SLC25A48: variants seen among roughly 807,000 people sequenced by gnomAD.
SLC25A48 encodes solute carrier family 25 member 48, also known as CTC-321K16.1.
In SLC25A48, 29 loss-of-function variants were observed where a neutral mutation model predicts 32.2. That is an observed-to-expected ratio of 0.90 (90% confidence interval 0.67 to 1.23). The LOEUF (loss-of-function observed/expected upper bound fraction) is 1.23. Among genes scored for constraint, SLC25A48 ranks in the 50% most tolerant of loss-of-function variants. SLC25A48 has a pLI of 0.00. For synonymous variants in SLC25A48, 164 were observed against 172.3 expected (o/e 0.95, Z 0.38); for missense variants, 399 against 422.7 (o/e 0.94, Z 0.49).
chr5:135,776,124 A>T (rs1339342957), intron 3 of SLC25A48, among the ~76,000 whole-genome samples: 2 of 151,784 alleles, frequency 1.3e-5, no homozygotes, highest in African/African-American at 4.8e-5. Flanking sequence ...CCAGGAAAGG[A>T]GACCATGATA....
intron 1 of SLC25A48, among the ~76,000 whole-genome samples, chr5:135,627,690 C>A (rs1752468286): frequency 6.6e-6 from 1 of 152,188 alleles, no homozygotes; most frequent in South Asian, 2.1e-4. Flanking sequence ...GAGGAGTCAG[C>A]ATTTGCTGCA....
chr5:135,623,023 C>T (rs570815656), intron 1 of SLC25A48, among the ~76,000 whole-genome samples: 170 of 152,278 alleles, frequency 1.1e-3, no homozygotes, highest in African/African-American at 4.0e-3. Context: ...CCTTCTGAGT[C>T]AACCTGCACT....
chr5:135,882,527 G>A (rs1411032139), intron 7 of SLC25A48, among the ~76,000 whole-genome samples: 1 of 152,160 alleles, frequency 6.6e-6, no homozygotes, highest in Non-Finnish European at 1.5e-5. Flanking sequence ...GGGATGACTT[G>A]AGAATTGTTT....
At chr5:135,812,475 CA>C (rs1394786671) in intron 3 of SLC25A48, 3 of 152,162 alleles carry the variant, frequency 2.0e-5, no homozygotes, top group Non-Finnish European at 4.4e-5. Context: ...GAAATTAGGA[CA>C]GGGGCACACA....
chr5:135,834,898 G>T lies in SLC25A48; in HGVS notation c.46+5G>T. On this transcript the variant is annotated splice_donor_5th_base_variant and intron_variant, in intron 1 of 7. Transcript: ENST00000681962. ...TTGCGGCGGGCTGGATCGGAGGTGA[G>T]TGTGCTTACCGGGGACCCCCGGTCA... 1.2e-6 allele frequency: 2 copies of T among 1,601,840 alleles called. No individual in the cohort carries two copies. Among genetic ancestry groups the T allele is most frequent in the Middle Eastern group, 1.7e-4 (1 of 6,024 alleles).
intron 1 of SLC25A48, among the ~76,000 whole-genome samples, chr5:135,580,609 C>T (rs1751210287): frequency 6.6e-6 from 1 of 152,150 alleles, no homozygotes; most frequent in African/African-American, 2.4e-5. Context: ...AATAGCTGGA[C>T]ATTTGCATTT....
At position 135,738,048 on chromosome 5, in the gene SLC25A48, C is replaced by G. The variant is rs180780507; in HGVS notation, c.-520-74475C>G. Among the ~76,000 whole-genome samples the G allele has an allele frequency of 2.0e-3, 302 of 152,300 alleles. 1 individual carries two copies. Among genetic ancestry groups the G allele is most frequent in the African/African-American group, 7.0e-3 (292 of 41,564 alleles). Reference sequence around the variant, plus strand: ...GATCCACGGGGAAATGACACCATCACTATGACTGTGATAGAGACTTTCCTC... The same window carrying G: ...GATCCACGGGGAAATGACACCATCAGTATGACTGTGATAGAGACTTTCCTC... On this transcript the variant is annotated intron_variant, in intron 3 of 10. Transcript: ENST00000646290.
chr5:135,844,981 G>A (rs1759291383), intron 2 of SLC25A48, among the ~76,000 whole-genome samples: 1 of 152,136 alleles, frequency 6.6e-6, no homozygotes, highest in South Asian at 2.1e-4. Context: ...TGGGTGTGAG[G>A]GATTTAATGG....
rs187414596 is a variant in SLC25A48 at position 135,654,464 on chromosome 5, G to C, written c.-521+19508G>C. On this transcript the variant is annotated intron_variant, in intron 3 of 10. Transcript: ENST00000646290. ...TTAGGGGATTCAAACTTATGTAAGT[G>C]GGGGAGCTGGTGAAGAATTCCACAG... 5.0e-3 allele frequency among the ~76,000 whole-genome samples: 761 copies of C among 152,300 alleles called. 3 individuals carry two copies. Among genetic ancestry groups the C allele is most frequent in the Middle Eastern group, 0.014 (4 of 294 alleles).
At position 135,852,728 on chromosome 5, in the gene SLC25A48, A is replaced by C; in HGVS notation, c.328A>C (p.Ser110Arg). Residue 110 changes from serine (S) to arginine (R), a missense_variant, in exon 4 of 8, where the codon AGC becomes CGC. By Grantham distance (110) the Ser-to-Arg change is moderately radical. Coordinates refer to ENST00000681962, the MANE Select transcript of SLC25A48 (RefSeq NM_001349336.2). ...PRTLSDLLLA[S>R]MVAGVVSVGL... The stretch of plus-strand genomic sequence containing the variant: ...CACGCTGTCAGACCTGCTCCTGGCC[A>C]GCATGGTGGCCGGCGTGGTCTCTGT... 1 of 1,614,136 alleles carries C rather than the reference A, an allele frequency of 6.2e-7. No homozygotes were observed. The highest frequency in any genetic ancestry group is 8.5e-7 in the Non-Finnish European group (1 of 1,180,020).
At chr5:135,789,112 G>T (rs1756940943) in intron 3 of SLC25A48, among the ~76,000 whole-genome samples, 1 of 68,990 alleles carries the variant, frequency 1.4e-5, no homozygotes. Context: ...CTATGTGGCA[G>T]GGGGTGTACA....
At chr5:135,669,422 G>T (rs546966895) in intron 3 of SLC25A48, among the ~76,000 whole-genome samples, 1 of 152,168 alleles carries the variant, frequency 6.6e-6, no homozygotes, top group Non-Finnish European at 1.5e-5. Context: ...CACCTATCTG[G>T]GGGGAGGGAT....
intron 3 of SLC25A48, among the ~76,000 whole-genome samples, chr5:135,770,273 AG>A (rs1277377321): frequency 7.4e-6 from 1 of 135,560 alleles, no homozygotes; most frequent in East Asian, 2.5e-4. Context: ...CCAATATTGC[AG>A]GGGGGTAAAC....
chr5:135,664,605 G>A (rs769024883), intron 3 of SLC25A48, among the ~76,000 whole-genome samples: 7 of 151,824 alleles, frequency 4.6e-5, no homozygotes, highest in Admixed American at 2.6e-4. Flanking sequence ...CTAAGTCTCC[G>A]TAGTCCATTA....
chr5:135,611,532 AAG>A (rs1292145972), intron 1 of SLC25A48, among the ~76,000 whole-genome samples: 5 of 147,242 alleles, frequency 3.4e-5, no homozygotes, highest in African/African-American at 1.3e-4. Flanking sequence ...AAAAAAGAAA[AAG>A]AAAAGAAAAG....
chr5:135,788,503 G>T lies in SLC25A48; in HGVS notation c.-520-24020G>T, dbSNP rs923417792. ...GTGATATTTCTTCCCATGGGGTGGG[G>T]GTGTACACCTCCCGCCATATGGTCC... On this transcript the variant is annotated intron_variant, in intron 3 of 10. Coordinates refer to the SLC25A48 transcript ENST00000646290. Among the ~76,000 whole-genome samples the T allele has an allele frequency of 1.1e-4, 17 of 151,134 alleles. 1 individual carries two copies. Among genetic ancestry groups the T allele is most frequent in the Admixed American group, 9.2e-4 (14 of 15,192 alleles).
intron 1 of SLC25A48, among the ~76,000 whole-genome samples, chr5:135,584,032 T>G (rs1047381850): frequency 2.6e-5 from 4 of 152,210 alleles, no homozygotes; most frequent in Admixed American, 2.6e-4. Context: ...CTGAGTAACT[T>G]AAGCCCAGAG....
In SLC25A48 at chr5:135,658,834, T is replaced by C. The variant is rs147707910; in HGVS notation, c.-521+23878T>C. ...CCCTCTCAAGCAACAGTCTGAGTTA[T>C]ACTTGGCCTCTTTTAGTCATGGCTG... On this transcript the variant is annotated intron_variant, in intron 3 of 10. Transcript: ENST00000646290. Among the ~76,000 whole-genome samples, 909 of 152,376 alleles carry C rather than the reference T, an allele frequency of 6.0e-3. 12 individuals carry two copies. Among genetic ancestry groups the C allele is most frequent in the African/African-American group, 0.021 (869 of 41,588 alleles).
chr5:135,771,975 T>C (rs1756425229), intron 3 of SLC25A48, among the ~76,000 whole-genome samples: 2 of 151,146 alleles, frequency 1.3e-5, no homozygotes, highest in African/African-American at 4.9e-5. Flanking sequence ...AAGAGGGTGA[T>C]ATCACTCCCA....
Sources: gnomAD v4.1 joint callset for allele counts (sites outside exome capture counted in the v4.1 genomes callset) on GRCh38, gnomAD v4.1.1 for gene constraint, MANE v1.5 for transcripts, NCBI Gene and HGNC (gene_info 2026-07-23, HGNC 2026-07-21) for gene names.